Variants in ROR2 observed in about 807,000 individuals in gnomAD.
ROR2 encodes tyrosine-protein kinase transmembrane receptor ROR2.
In ROR2, 33 loss-of-function variants were observed where a neutral mutation model predicts 74.9. The ratio of observed to expected loss-of-function variants is 0.44; its 90% CI spans 0.33 to 0.59. ROR2 has a LOEUF of 0.59. Ranked by LOEUF, ROR2 falls within the 20% of genes least tolerant of loss-of-function variation. The pLI, the probability that ROR2 is intolerant of heterozygous loss-of-function variation, is 0.02. For missense variants in ROR2, 1,216 were observed against 1,313.8 expected (o/e 0.93, Z 1.15); for synonymous variants, 586 against 558.7 (o/e 1.05, Z -0.69).
chr9:91,906,720 A>C (rs1830828300), intron 1 of ROR2, among the ~76,000 whole-genome samples: 1 of 152,094 alleles, frequency 6.6e-6, no homozygotes. Flanking sequence ...CTTTTTCATT[A>C]TATTTTAGAA....
rs747270256 is a variant in ROR2, at chr9:91,724,753, G to A, written c.1741C>T (p.Arg581Cys). 8.1e-6 allele frequency: 13 copies of A among 1,613,870 alleles called. No homozygotes were observed. The highest frequency in any genetic ancestry group is 1.6e-4 in the Middle Eastern group (1 of 6,082). The change falls in exon 9 of 9, where the codon CGC becomes TGC. Residue 581 changes from arginine to cysteine, a missense_variant. Coordinates refer to ENST00000375708, the MANE Select transcript of ROR2 (RefSeq NM_004560.4). ...HSDVGSTDDD[R>C]TVKSALEPPD... ...GGCTCCAGGGCGGACTTCACCGTGC[G>A]GTCATCATCGGTGCTGCCCACGTCC...
intron 1 of ROR2, 26 bp downstream of exon 1, chr9:91,949,841 G>A (rs1289315830): frequency 3.5e-6 from 5 of 1,423,700 alleles, no homozygotes; most frequent in Admixed American, 2.0e-5. Context: ...TACCGTCTGC[G>A]CACAAGCCGG....
intron 1 of ROR2, among the ~76,000 whole-genome samples, chr9:91,921,101 G>A (rs894561641): frequency 6.6e-6 from 1 of 152,198 alleles, no homozygotes; most frequent in Admixed American, 6.5e-5. Context: ...GTGCCAAATG[G>A]CAGGTGGCCA....
chr9:91,903,809 G>C lies in ROR2; in HGVS notation c.97+46058C>G, dbSNP rs186954516. Among the ~76,000 whole-genome samples, 4 of 152,286 alleles carry C rather than the reference G, an allele frequency of 2.6e-5. No individual in the cohort carries two copies. The East Asian group carries it at 7.7e-4, about 29-fold the overall frequency. On this transcript the variant is annotated intron_variant, in intron 1 of 8. Transcript: ENST00000375708. ...AAAAATACCTCAGACTGGGGTCGTG[G>C]AGAGAGTCCACGGCAATAAAATGCC...
Position 91,807,795 on chromosome 9 carries a change from T to C in ROR2, c.98-31977A>G, listed in dbSNP as rs181016150. ...TGGTGTGAGAGCAGAGGAAAAATAC[T>C]TGAGAGTTTTTCCAGAACAGGCCTG... On this transcript the variant is annotated intron_variant, in intron 1 of 8. Coordinates refer to ENST00000375708, the MANE Select transcript of ROR2 (RefSeq NM_004560.4). Among the ~76,000 whole-genome samples the C allele has an allele frequency of 3.9e-3, 600 of 152,252 alleles. 3 individuals are homozygous for C. Among genetic ancestry groups the C allele is most frequent in the Non-Finnish European group, 6.8e-3 (463 of 68,016 alleles).
At chr9:91,881,952 C>T (rs1830122787) in intron 1 of ROR2, among the ~76,000 whole-genome samples, 2 of 152,146 alleles carry the variant, frequency 1.3e-5, no homozygotes, top group East Asian at 3.9e-4. Context: ...CAGTATGTGT[C>T]GGGCATCTAT....
intron 1 of ROR2, among the ~76,000 whole-genome samples, chr9:91,799,828 G>GT: frequency 6.6e-6 from 1 of 152,192 alleles, no homozygotes; most frequent in Non-Finnish European, 1.5e-5. Flanking sequence ...CTGGCCCACT[G>GT]TACCCCTCAG....
intron 1 of ROR2, among the ~76,000 whole-genome samples, chr9:91,923,140 G>T (rs1831315245): frequency 6.6e-6 from 1 of 152,156 alleles, no homozygotes; most frequent in South Asian, 2.1e-4. Context: ...TATTCAATAA[G>T]CTAACAAGTT....
chr9:91,935,260 G>A (rs988021367), intron 1 of ROR2, among the ~76,000 whole-genome samples: 2 of 152,216 alleles, frequency 1.3e-5, no homozygotes, highest in Non-Finnish European at 2.9e-5. Context: ...GGAGCAGCCA[G>A]CTGGCCAAGC....
chr9:91,832,087 G>A (rs1828478236), intron 1 of ROR2, among the ~76,000 whole-genome samples: 1 of 152,110 alleles, frequency 6.6e-6, no homozygotes, highest in South Asian at 2.1e-4. Flanking sequence ...ACCCTGTAGA[G>A]CAGGATGAGG....
At chr9:91,948,570 C>A (rs1274276859) in intron 1 of ROR2, 13 of 985,318 alleles carry the variant, frequency 1.3e-5, no homozygotes, top group East Asian at 1.1e-4. Context: ...AAAACCCCCC[C>A]CCAGGAAAGA....
At chr9:91,948,795 C>A (rs539566438) in intron 1 of ROR2, 2 of 985,348 alleles carry the variant, frequency 2.0e-6, no homozygotes, top group Admixed American at 6.1e-5. Flanking sequence ...GGGCTTCAGG[C>A]GAACCCCATA....
chr9:91,877,545 AAT>A (rs2119354124), intron 1 of ROR2, among the ~76,000 whole-genome samples: 1 of 152,330 alleles, frequency 6.6e-6, no homozygotes, highest in South Asian at 2.1e-4. Flanking sequence ...GAGTGATCTA[AAT>A]GTACCCAAAA....
intron 1 of ROR2, among the ~76,000 whole-genome samples, chr9:91,817,584 T>C (rs1827985198): frequency 6.6e-6 from 1 of 152,150 alleles, no homozygotes; most frequent in Non-Finnish European, 1.5e-5. Flanking sequence ...CAAGCTGTAC[T>C]GGGCCAGGCA....
At chr9:91,726,369 C>T (rs1837032127) in intron 8 of ROR2, among the ~76,000 whole-genome samples, 172 bp downstream of exon 8, 1 of 151,960 alleles carries the variant, frequency 6.6e-6, no homozygotes, top group Non-Finnish European at 1.5e-5. Flanking sequence ...TTTTCTAAAG[C>T]ACACATGTCC....
chr9:91,741,914 T>C lies in ROR2; in HGVS notation c.495-4396A>G, dbSNP rs543560404. Among the ~76,000 whole-genome samples the C allele has an allele frequency of 5.3e-5, 8 of 152,150 alleles. No homozygotes were observed. In the South Asian group the frequency reaches 1.7e-3, roughly 32 times the overall value. On this transcript the variant is annotated intron_variant, in intron 4 of 8. Coordinates refer to ENST00000375708, the MANE Select transcript of ROR2 (RefSeq NM_004560.4). ...CCATGATGTCCACTATACAATAAAA[T>C]TACCAGACATGCAAAGAAACAGGAA...
At chr9:91,948,787 G>A (rs970336210) in intron 1 of ROR2, 4 of 985,352 alleles carry the variant, frequency 4.1e-6, no homozygotes, top group Non-Finnish European at 4.8e-6. Context: ...CATTCCGGGG[G>A]CTTCAGGCGA....
At chr9:91,727,863 C>T (rs575656500) in intron 7 of ROR2, among the ~76,000 whole-genome samples, 7 of 152,148 alleles carry the variant, frequency 4.6e-5, no homozygotes, top group Non-Finnish European at 8.8e-5. Flanking sequence ...GAAAAAAGCA[C>T]CTTGTCCCAA....
intron 1 of ROR2, among the ~76,000 whole-genome samples, chr9:91,935,339 C>T (rs1831654775): frequency 1.3e-5 from 2 of 152,336 alleles, no homozygotes; most frequent in South Asian, 4.1e-4. Context: ...CTTTTTCTGT[C>T]CACTGCTTCA....
Sources: allele counts gnomAD v4.1 joint callset (sites outside exome capture counted in the v4.1 genomes callset), GRCh38; gene constraint gnomAD v4.1.1; transcripts MANE v1.5; gene names NCBI Gene and HGNC (gene_info 2026-07-23, HGNC 2026-07-21).